The following KIF1B variants were observed in gnomAD, a reference collection of about 807,000 sequenced individuals.
The protein encoded by KIF1B is kinesin family member 1B, also known as kinesin-like protein KIF1B.
KIF1B carries 76 observed loss-of-function variants against 241.9 expected under a neutral mutation model. The observed-to-expected ratio is 0.31, with a 90% CI of 0.26 to 0.38. The LOEUF is 0.38. KIF1B is among the 10% of genes least tolerant of loss of function. KIF1B has a pLI of 1.00. For synonymous variants in KIF1B, 750 were observed against 796.7 expected, an observed-to-expected ratio of 0.94 and a Z score of 0.99; for missense variants, 1,622 against 2,271.4, an observed-to-expected ratio of 0.71 and a Z score of 5.81.
intron 1 of KIF1B, among the ~76,000 whole-genome samples, chr1:10,230,062 C>T (rs564149035): frequency 5.3e-5 from 8 of 152,038 alleles, no homozygotes; most frequent in Non-Finnish European, 1.2e-4. Flanking sequence ...GTAGTCGCAG[C>T]TGTTTTGGAG....
chr1:10,243,447 A>G (rs1269053390), intron 2 of KIF1B, among the ~76,000 whole-genome samples: 2 of 150,478 alleles, frequency 1.3e-5, no homozygotes, highest in African/African-American at 4.8e-5. Flanking sequence ...AGTGGGGGGA[A>G]AAAATACCAT....
intron 23 of KIF1B, among the ~76,000 whole-genome samples, chr1:10,320,399 G>A (rs1295213843): frequency 6.6e-6 from 1 of 152,162 alleles, no homozygotes; most frequent in Non-Finnish European, 1.5e-5. Flanking sequence ...CCCTTAGGAA[G>A]TTGACCTGCA....
At position 10,337,353 on chromosome 1, in the gene KIF1B, T is replaced by C. The variant is rs759504506; in HGVS notation, c.3260-18T>C. 1 of 1,614,238 alleles carries C rather than the reference T, an allele frequency of 6.2e-7. No homozygotes were observed. Among genetic ancestry groups the C allele is most frequent in the South Asian group, 1.1e-5 (1 of 91,088 alleles). Reference sequence around the variant, plus strand: ...TGCATTATTTGAACCATCTGTGTCTTCATTTGACCCTCTTTAGATTTGAAG... The same window carrying C: ...TGCATTATTTGAACCATCTGTGTCTCCATTTGACCCTCTTTAGATTTGAAG... On this transcript the variant is annotated intron_variant, in intron 30 of 48. Transcript: ENST00000676179. This position sits in a 1 kb window ranked among gnomAD's most constrained non-coding sequence, Gnocchi z 4.0.
chr1:10,338,639 A>C (rs2102317737), intron 31 of KIF1B, among the ~76,000 whole-genome samples: 1 of 152,376 alleles, frequency 6.6e-6, no homozygotes, highest in Non-Finnish European at 1.5e-5. Flanking sequence ...TTTGTCCTAC[A>C]ATCTCCTAAA....
At chr1:10,282,234 C>A (rs1397255655) in intron 14 of KIF1B, 88 bp from the exon 15 acceptor site, 11 of 1,068,488 alleles carry the variant, frequency 1.0e-5, no homozygotes, top group East Asian at 1.0e-4. Flanking sequence ...TCCTTTCTTA[C>A]AACGATATTC....
chr1:10,302,630 C>T (rs538512658), intron 22 of KIF1B, among the ~76,000 whole-genome samples: 18 of 152,106 alleles, frequency 1.2e-4, no homozygotes, highest in African/African-American at 1.7e-4. Context: ...TTTGTTAATC[C>T]GCCTGCTCGT....
intron 1 of KIF1B, among the ~76,000 whole-genome samples, 181 bp downstream of exon 1, chr1:10,211,059 G>A (rs1557636973): frequency 6.6e-6 from 1 of 151,978 alleles, no homozygotes; most frequent in Non-Finnish European, 1.5e-5. Flanking sequence ...TAGGCCAGCA[G>A]CGAGTCCCGG....
Position 10,378,338 on chromosome 1 carries a change from G to T in KIF1B, c.*1751G>T, listed in dbSNP as rs781384922. The stretch of plus-strand genomic sequence containing the variant: ...TGGACAGTCTTCTTTCCTTCTGACA[G>T]ACCAGGTCATCTGGCTTCCGAGATC... On this transcript the variant is annotated 3_prime_UTR_variant, in exon 49 of 49. Coordinates refer to ENST00000676179, the MANE Select transcript of KIF1B (RefSeq NM_001365951.3). 8 of 717,834 alleles carry T rather than the reference G, an allele frequency of 1.1e-5. No homozygotes were observed. The highest frequency in any genetic ancestry group is 3.5e-5 in the African/African-American group (2 of 57,230). The allele number at this position is 717,834 out of a possible 1,614,324, so 44.5% of individuals were successfully genotyped here. A position where few individuals can be genotyped will look rare whatever the true frequency, so the allele number is the denominator to read the frequency against.
At chr1:10,352,112 G>A (rs1449018183) in intron 37 of KIF1B, among the ~76,000 whole-genome samples, 3 of 149,062 alleles carry the variant, frequency 2.0e-5, no homozygotes, top group Non-Finnish European at 4.4e-5. Flanking sequence ...GGAATGGATT[G>A]GAACAGGGGA....
At position 10,258,666 on chromosome 1, in the gene KIF1B, T is replaced by G; in HGVS notation, c.357T>G (p.Ile119Met). 6.2e-7 allele frequency: 1 copy of G among 1,614,104 alleles called. No homozygotes were observed. ...AAGAAGAAAGCCAGGCTGGCATCAT[T>G]CCACAGGTGAAAAACAAAACAAAAC... Reference protein sequence around the residue: ...GKQEESQAGIIPQLCEELFEK... With the variant: ...GKQEESQAGIMPQLCEELFEK... Residue 119 changes from isoleucine to methionine, a missense_variant, in exon 4 of 49, where the codon ATT becomes ATG. Physicochemically the swap from Ile to Met is conservative, Grantham distance 10. This residue lies in a region of KIF1B where 156 missense variants were observed against 244.8 expected (regional missense o/e 0.64). Coordinates refer to ENST00000676179, the MANE Select transcript of KIF1B (RefSeq NM_001365951.3).
At chr1:10,304,431 T>A (rs776499573) in intron 22 of KIF1B, 1 of 1,613,222 alleles carries the variant, frequency 6.2e-7, no homozygotes, top group Non-Finnish European at 8.5e-7. Flanking sequence ...ACCCCACTGC[T>A]GATGTACAGA....
Position 10,320,154 on chromosome 1 carries a change from A to G in KIF1B, c.2209+18A>G, listed in dbSNP as rs753756818. The stretch of plus-strand genomic sequence containing the variant: ...GGAAGAAGGTGAAATCTAGAGACCG[A>G]AAGTTTCCTGTGTATATCTTTTTGA... On this transcript the variant is annotated intron_variant, in intron 23 of 48. Transcript: ENST00000676179. The G allele has an allele frequency of 2.0e-5, 31 of 1,535,384 alleles. No individual in the cohort carries two copies. In the Admixed American group the frequency reaches 2.3e-4, roughly 12 times the overall value.
chr1:10,311,363 C>T (rs560320895), intron 22 of KIF1B, among the ~76,000 whole-genome samples: 1 of 151,088 alleles, frequency 6.6e-6, no homozygotes, highest in Non-Finnish European at 1.5e-5. Context: ...TGAACGCCAC[C>T]ACACCGAGCT....
At chr1:10,253,359 G>T (rs1449473783) in intron 2 of KIF1B, among the ~76,000 whole-genome samples, 1 of 152,182 alleles carries the variant, frequency 6.6e-6, no homozygotes, top group African/African-American at 2.4e-5. Flanking sequence ...TAGGTTAGTA[G>T]GTCTGGTGTG....
At chr1:10,290,121 G>C (rs536141025) in intron 15 of KIF1B, among the ~76,000 whole-genome samples, 1 of 151,494 alleles carries the variant, frequency 6.6e-6, no homozygotes, top group Non-Finnish European at 1.5e-5. Context: ...ACATGTTTTC[G>C]TTCTTTTTAA....
chr1:10,268,331 C>T lies in KIF1B; in HGVS notation c.720+68C>T. On this transcript the variant is annotated intron_variant, in intron 7 of 48. Coordinates refer to ENST00000676179, the MANE Select transcript of KIF1B (RefSeq NM_001365951.3). ...AGATTTTGAGAAGTCCCTTTTGTTG[C>T]CCTCTGCTTTTTGTGGAAGGTTGGG... The T allele has an allele frequency of 1.2e-5, 13 of 1,060,622 alleles. No homozygotes were observed. The South Asian group carries it at 1.7e-4, about 14-fold the overall frequency. The allele number at this position is 1,060,622 out of a possible 1,614,324, so 65.7% of individuals were successfully genotyped here. A position where few individuals can be genotyped will look rare whatever the true frequency, so the allele number is the denominator to read the frequency against.
intron 44 of KIF1B, among the ~76,000 whole-genome samples, chr1:10,369,408 C>T (rs904465779): frequency 1.3e-5 from 2 of 152,080 alleles, no homozygotes; most frequent in African/African-American, 4.8e-5. Context: ...ATGAGGGGAT[C>T]GCTTGAGGCC....
chr1:10,238,518 A>G (rs1244069271), intron 2 of KIF1B, among the ~76,000 whole-genome samples: 1 of 152,078 alleles, frequency 6.6e-6, no homozygotes, highest in Non-Finnish European at 1.5e-5. Context: ...AGCCTGGGCA[A>G]CATGGCAAAA....
intron 10 of KIF1B, 103 bp from the exon 11 acceptor site, chr1:10,275,325 G>T (rs1405020568): frequency 4.1e-6 from 3 of 727,758 alleles, no homozygotes; most frequent in Admixed American, 3.9e-5. Flanking sequence ...TGTCGGGGTT[G>T]TACTGTAATT....
Sources: gnomAD v4.1 joint callset for allele counts (sites outside exome capture counted in the v4.1 genomes callset) on GRCh38, gnomAD v4.1.1 for gene constraint, gnomAD v4.1.1 regional missense constraint, Gnocchi (gnomAD v3.1) non-coding constraint, MANE v1.5 for transcripts, NCBI Gene and HGNC (gene_info 2026-07-23, HGNC 2026-07-21) for gene names.